Variants in ACSS2 observed in about 807,000 individuals in gnomAD.
ACSS2 encodes the protein acyl-CoA synthetase short chain family member 2.
Under a neutral mutation model 90.6 loss-of-function variants are expected in ACSS2, and 58 were observed. The observed-to-expected ratio is 0.64, with a 90% CI of 0.52 to 0.80. The LOEUF (loss-of-function observed/expected upper bound fraction) is 0.80. Among genes scored for constraint, ACSS2 ranks in the 30% least tolerant of loss-of-function variants. ACSS2 has a pLI of 0.00. For synonymous variants in ACSS2, 300 were observed against 330.9 expected, an observed-to-expected ratio of 0.91 and a Z score of 1.01; for missense variants, 759 against 912.0, an observed-to-expected ratio of 0.83 and a Z score of 2.16.
chr20:34,925,515 G>GCCTT (rs2081297735), intron 14 of ACSS2, among the ~76,000 whole-genome samples, 183 bp from the exon 15 acceptor site: 1 of 152,130 alleles, frequency 6.6e-6, no homozygotes, highest in South Asian at 2.1e-4. Flanking sequence ...AGGACTGCAG[G>GCCTT]GCTATGAATA....
chr20:34,900,445 G>A (rs1052606687), intron 2 of ACSS2, among the ~76,000 whole-genome samples: 1 of 152,050 alleles, frequency 6.6e-6, no homozygotes, highest in Non-Finnish European at 1.5e-5. Context: ...AAAATGTTGG[G>A]ATTACAGGCA....
At chr20:34,891,087 A>G (rs1467942298) in intron 2 of ACSS2, among the ~76,000 whole-genome samples, 1 of 152,114 alleles carries the variant, frequency 6.6e-6, no homozygotes, top group African/African-American at 2.4e-5. Context: ...TCACCTTGAC[A>G]AATCTCCTTG....
Position 34,913,085 on chromosome 20 carries a change from G to A in ACSS2, c.375-11G>A. The A allele has an allele frequency of 6.2e-7, 1 of 1,608,434 alleles. No homozygotes were observed. Among genetic ancestry groups the A allele is most frequent in the Non-Finnish European group, 8.5e-7 (1 of 1,174,884 alleles). On this transcript the variant is annotated splice_polypyrimidine_tract_variant and intron_variant, in intron 2 of 17. Coordinates refer to ENST00000360596, the MANE Select transcript of ACSS2 (RefSeq NM_018677.4). ...TACCCCTAATCACTGGTTCTTTCTGGTATGTCTCAGGGAGGGCAATGAGCC... is the reference window on the plus strand; with the variant it reads ...TACCCCTAATCACTGGTTCTTTCTGATATGTCTCAGGGAGGGCAATGAGCC...
At chr20:34,890,547 G>C (rs915086517) in intron 2 of ACSS2, among the ~76,000 whole-genome samples, 1 of 152,024 alleles carries the variant, frequency 6.6e-6, no homozygotes, top group Non-Finnish European at 1.5e-5. Context: ...TAAGGAGAGG[G>C]TGGAAAGAGT....
intron 2 of ACSS2, among the ~76,000 whole-genome samples, chr20:34,898,878 C>T (rs941063581): frequency 8.7e-4 from 132 of 151,582 alleles, no homozygotes; most frequent in Middle Eastern, 3.2e-3. Flanking sequence ...GGGCTCGGGC[C>T]GCACAGGAGC....
upstream of ACSS2, chr20:34,876,502 C>A: frequency 1.0e-6 from 1 of 1,002,452 alleles, no homozygotes; most frequent in East Asian, 3.3e-5. Context: ...CCCTCTGGCA[C>A]CGCCCACCCG....
intron 2 of ACSS2, among the ~76,000 whole-genome samples, chr20:34,900,166 C>CTTTTTTTT (rs34951413): frequency 5.0e-5 from 4 of 79,216 alleles, no homozygotes; most frequent in Non-Finnish European, 9.5e-5. Flanking sequence ...CATGCCTGAC[C>CTTTTTTTT]TTTTTTTTTT....
At position 34,914,220 on chromosome 20, in the gene ACSS2, C is replaced by T. The variant is rs751247869; in HGVS notation, c.719+49C>T. On this transcript the variant is annotated intron_variant, in intron 6 of 17. Coordinates refer to ENST00000360596, the MANE Select transcript of ACSS2 (RefSeq NM_018677.4). The stretch of plus-strand genomic sequence containing the variant: ...GAGTTGACTGAGCCTTTCCCCAGTG[C>T]CAGGTTCCCTTTGTCCCCTCTACCC... 6.2e-6 allele frequency: 10 copies of T among 1,610,012 alleles called. No individual in the cohort carries two copies. In the Admixed American group the frequency reaches 1.7e-4, roughly 27 times the overall value.
intron 2 of ACSS2, among the ~76,000 whole-genome samples, chr20:34,901,300 T>C (rs141650896): frequency 2.2e-4 from 34 of 152,296 alleles, no homozygotes; most frequent in African/African-American, 7.5e-4. Flanking sequence ...CTTGCTTTGT[T>C]GTCCAGTCTA....
upstream of ACSS2, chr20:34,876,505 C>A (rs553269717): frequency 2.0e-4 from 214 of 1,045,688 alleles, no homozygotes; most frequent in South Asian, 4.4e-3. Context: ...TCTGGCACCG[C>A]CCACCCGCCA....
chr20:34,880,231 T>C (rs895942470), intron 1 of ACSS2, among the ~76,000 whole-genome samples: 1 of 152,202 alleles, frequency 6.6e-6, no homozygotes, highest in African/African-American at 2.4e-5. Flanking sequence ...ATAGTTGAGA[T>C]AGCAGAGAAA....
In ACSS2 at chr20:34,882,798, C is replaced by T; in HGVS notation, c.183C>T (p.Phe61=). Residue 61 remains phenylalanine, a synonymous_variant, in exon 2 of 18, where the codon TTC becomes TTT. Transcript: ENST00000360596. ...GGGCTTCCATTTCTGTTGCAGAATT[C>T]TGGGGAGACATTGCCAAGGAATTTT... is the stretch of plus-strand genomic sequence containing the variant. The part of the protein sequence containing the change: ...HRRSVEEPRE[F]WGDIAKEFYW... 6.2e-7 allele frequency: 1 copy of T among 1,611,852 alleles called. No homozygotes were observed. Among genetic ancestry groups the T allele is most frequent in the Non-Finnish European group, 8.5e-7 (1 of 1,179,364 alleles).
chr20:34,905,844 T>C (rs1408707331), intron 2 of ACSS2, among the ~76,000 whole-genome samples: 7 of 152,256 alleles, frequency 4.6e-5, no homozygotes, highest in Non-Finnish European at 1.0e-4. Context: ...TTTTCTTTCA[T>C]GTGGTCCACT....
At position 34,891,782 on chromosome 20, in the gene ACSS2, A is replaced by G. The variant is rs549904955; in HGVS notation, c.374+8793A>G. Among the ~76,000 whole-genome samples, 42 of 152,276 alleles carry G rather than the reference A, an allele frequency of 2.8e-4. 1 individual carries two copies. The South Asian group carries it at 6.4e-3, about 23-fold the overall frequency. On this transcript the variant is annotated intron_variant, in intron 2 of 17. Coordinates refer to ENST00000360596, the MANE Select transcript of ACSS2 (RefSeq NM_018677.4). Reference sequence around the variant, plus strand: ...TTCTCCCTGAGTTTTATGACCCTTGACACTTTACAGAACACCTCCCTAAAG... The same window carrying G: ...TTCTCCCTGAGTTTTATGACCCTTGGCACTTTACAGAACACCTCCCTAAAG...
At position 34,914,062 on chromosome 20, in the gene ACSS2, T is replaced by G. The variant is rs530889790; in HGVS notation, c.644-34T>G. ...TGTGCCCACTAGGCAGCATGGGGCT[T>G]ACTAAGGCCTGGAATGTCTGTTGCT... On this transcript the variant is annotated intron_variant, in intron 5 of 17. Transcript: ENST00000360596. 1.7e-5 allele frequency: 27 copies of G among 1,611,394 alleles called. 1 individual carries two copies. In the South Asian group the frequency reaches 2.6e-4, roughly 16 times the overall value.
intron 2 of ACSS2, 98 bp downstream of exon 2, chr20:34,883,087 C>T (rs1048061066): frequency 2.3e-6 from 2 of 873,588 alleles, no homozygotes; most frequent in Non-Finnish European, 3.5e-6. Context: ...AACTTAATGC[C>T]TCAGGTGAGG....
chr20:34,921,657 C>T (rs1417094292), intron 12 of ACSS2, 57 bp downstream of exon 12: 4 of 1,613,218 alleles, frequency 2.5e-6, no homozygotes, highest in Non-Finnish European at 3.4e-6. Flanking sequence ...TCTTGGGGCA[C>T]TTGGCCTAGT....
intron 2 of ACSS2, among the ~76,000 whole-genome samples, chr20:34,902,857 C>A (rs1290776326): frequency 1.3e-5 from 2 of 150,768 alleles, no homozygotes; most frequent in East Asian, 3.9e-4. Flanking sequence ...TCCTGAGTAG[C>A]TGAAACTATA....
intron 2 of ACSS2, among the ~76,000 whole-genome samples, chr20:34,892,211 C>T (rs922540991): frequency 6.6e-6 from 1 of 152,160 alleles, no homozygotes; most frequent in Non-Finnish European, 1.5e-5. Flanking sequence ...TTTGAAGATA[C>T]TAGGTGGTCA....
Sources: allele counts gnomAD v4.1 joint callset (sites outside exome capture counted in the v4.1 genomes callset), GRCh38; gene constraint gnomAD v4.1.1; transcripts MANE v1.5; gene names NCBI Gene and HGNC (gene_info 2026-07-23, HGNC 2026-07-21).